Variants in CYP2C8 observed in about 807,000 individuals in gnomAD.
CYP2C8 encodes cytochrome P450 family 2 subfamily C member 8.
Under a neutral mutation model 41.3 loss-of-function variants are expected in CYP2C8, and 51 were observed. That is an observed-to-expected ratio of 1.24 (90% CI 0.99 to 1.56). The LOEUF (loss-of-function observed/expected upper bound fraction) is 1.56, where lower values mean the gene tolerates loss of function less well. Ranked by LOEUF, CYP2C8 falls within the 40% of genes most tolerant of loss-of-function variation. The pLI, the probability that CYP2C8 is intolerant of heterozygous loss-of-function variation, is 0.00. For missense variants in CYP2C8, 651 were observed against 579.9 expected, an observed-to-expected ratio of 1.12 and a Z score of -1.26; for synonymous variants, 218 against 205.8, an observed-to-expected ratio of 1.06 and a Z score of -0.51.
At chr10:95,047,191 C>G (rs1323873000) in intron 5 of CYP2C8, among the ~76,000 whole-genome samples, 1 of 152,172 alleles carries the variant, frequency 6.6e-6, no homozygotes, top group East Asian at 1.9e-4. Flanking sequence ...GCTTGTACAG[C>G]CTGCAGAACC....
intron 7 of CYP2C8, 77 bp from the exon 8 acceptor site, chr10:95,039,115 C>T: frequency 7.5e-7 from 1 of 1,328,840 alleles, no homozygotes; most frequent in Non-Finnish European, 1.1e-6. Context: ...TCACGTAGCG[C>T]CATAACGTTG....
intron 4 of CYP2C8, among the ~76,000 whole-genome samples, chr10:95,061,126 G>A (rs1159400977): frequency 6.6e-6 from 1 of 152,132 alleles, no homozygotes; most frequent in Non-Finnish European, 1.5e-5. Flanking sequence ...TCTCTGCCAG[G>A]CTTTGTTATC....
intron 5 of CYP2C8, among the ~76,000 whole-genome samples, chr10:95,056,395 A>G (rs1255224531): frequency 6.6e-6 from 1 of 152,210 alleles, no homozygotes; most frequent in Non-Finnish European, 1.5e-5. Flanking sequence ...TAACACTCCT[A>G]GGACTATACC....
chr10:95,065,764 T>C (rs1334384913), intron 3 of CYP2C8, among the ~76,000 whole-genome samples: 1 of 152,210 alleles, frequency 6.6e-6, no homozygotes, highest in East Asian at 1.9e-4. Flanking sequence ...TCAAGATAAG[T>C]ATGTTTTAAT....
At chr10:95,045,985 T>G in intron 5 of CYP2C8, 34 bp from the exon 6 acceptor site, 4 of 1,611,218 alleles carry the variant, frequency 2.5e-6, no homozygotes, top group African/African-American at 2.7e-5. Context: ...TCTGACAAAT[T>G]ATGTGCCAGT....
chr10:95,037,432 G>T (rs1005200109), intron 8 of CYP2C8, 123 bp from the exon 9 acceptor site: 3 of 802,704 alleles, frequency 3.7e-6, no homozygotes, highest in Non-Finnish European at 6.2e-6. Context: ...TTGGGTAGAT[G>T]AATGAACATG....
At chr10:95,065,726 G>A (rs1422080562) in intron 3 of CYP2C8, among the ~76,000 whole-genome samples, 1 of 152,046 alleles carries the variant, frequency 6.6e-6, no homozygotes, top group Non-Finnish European at 1.5e-5. Context: ...TACTCTTGTG[G>A]ATTCTGGGAT....
intron 4 of CYP2C8, among the ~76,000 whole-genome samples, chr10:95,063,894 C>A (rs2033496744): frequency 6.6e-6 from 1 of 152,166 alleles, no homozygotes; most frequent in Admixed American, 6.5e-5. Context: ...TGGAGGTCCA[C>A]TCCAGACCCT....
chr10:95,059,886 T>G (rs1204570062), intron 4 of CYP2C8, among the ~76,000 whole-genome samples: 2 of 152,182 alleles, frequency 1.3e-5, no homozygotes, highest in African/African-American at 2.4e-5. Context: ...CCCAGCAACA[T>G]TTGTTGAATA....
chr10:95,043,056 T>A lies in CYP2C8; in HGVS notation c.983A>T (p.Asp328Val), dbSNP rs1321577949. 1 of 1,614,162 alleles carries A rather than the reference T, an allele frequency of 6.2e-7. No homozygotes were observed. The highest frequency in any genetic ancestry group is 1.3e-5 in the African/African-American group (1 of 75,032). ...GCTCCTGTGTCTGCCAATTACATGATCAATCTCTTCCTGGACTTTAGCTGA... is the reference window on the plus strand; with the variant it reads ...GCTCCTGTGTCTGCCAATTACATGAACAATCTCTTCCTGGACTTTAGCTGA... The part of the protein sequence containing the change: ...EVTAKVQEEI[D>V]HVIGRHRSPC... The change falls in exon 7 of 9, where the codon GAT (aspartate) becomes GTT (valine). Residue 328 changes from aspartate to valine, a missense_variant. By Grantham distance (152) the Asp-to-Val change is radical (BLOSUM62 -3). Transcript: ENST00000371270.
chr10:95,063,807 A>G (rs2033494374), intron 4 of CYP2C8, among the ~76,000 whole-genome samples: 3 of 152,138 alleles, frequency 2.0e-5, no homozygotes, highest in African/African-American at 4.8e-5. Flanking sequence ...TGATGTACAG[A>G]TGGGGTTTTG....
intron 5 of CYP2C8, among the ~76,000 whole-genome samples, chr10:95,047,296 AT>A (rs911139943): frequency 6.6e-6 from 1 of 152,106 alleles, no homozygotes; most frequent in Non-Finnish European, 1.5e-5. Context: ...CATTTTTATG[AT>A]TTTTTTATTA....
intron 3 of CYP2C8, among the ~76,000 whole-genome samples, 153 bp from the exon 4 acceptor site, chr10:95,065,113 C>T (rs974288896): frequency 2.6e-5 from 4 of 152,158 alleles, no homozygotes; most frequent in African/African-American, 9.7e-5. Context: ...GAAATAAACA[C>T]ATTACTTTTA....
chr10:95,052,864 C>T (rs1157956935), intron 5 of CYP2C8, among the ~76,000 whole-genome samples: 2 of 152,064 alleles, frequency 1.3e-5, no homozygotes, highest in Non-Finnish European at 2.9e-5. Context: ...AACTAAAAGC[C>T]TTTCCTCTAA....
At chr10:95,042,363 G>C (rs1271649233) in intron 7 of CYP2C8, among the ~76,000 whole-genome samples, 4 of 151,852 alleles carry the variant, frequency 2.6e-5, no homozygotes, top group Non-Finnish European at 4.4e-5. Flanking sequence ...CATCAGAATA[G>C]TATAATTGAA....
Position 95,042,879 on chromosome 10 carries a change from A to C in CYP2C8, c.1149+11T>G. ...AAGTACAGAAATATAGTGTAAGAGA[A>C]ACAAGCTTACCTTGGGGATGAGGTA... On this transcript the variant is annotated intron_variant, in intron 7 of 8. Coordinates refer to ENST00000371270, the MANE Select transcript of CYP2C8 (RefSeq NM_000770.3). 1 of 1,610,994 alleles carries C rather than the reference A, an allele frequency of 6.2e-7. No homozygotes were observed. The highest frequency in any genetic ancestry group is 8.5e-7 in the Non-Finnish European group (1 of 1,177,164).
In CYP2C8 at chr10:95,065,019, AT is replaced by A. The variant is rs1259358433; in HGVS notation, c.482-60del. 5 of 1,315,358 alleles carry A rather than the reference AT, an allele frequency of 3.8e-6. No individual in the cohort carries two copies. In the African/African-American group the frequency reaches 6.2e-5, roughly 16 times the overall value. 81.5% of individuals were successfully genotyped at this position (1,315,358 alleles called of 1,614,324 possible). ...AAAAATAAATATTTAAAAGATTTGC[AT>A]TTGTTAAGACATAAAGGAAATTTAG... On this transcript the variant is annotated intron_variant, in intron 3 of 8. Coordinates refer to ENST00000371270, the MANE Select transcript of CYP2C8 (RefSeq NM_000770.3).
Position 95,067,286 on chromosome 10 carries a change from C to G in CYP2C8, c.403G>C (p.Gly135Arg), listed in dbSNP as rs2033589981. ...RFSLTTLRNFGMGKRSIEDRV... is the reference protein window; with the variant it reads ...RFSLTTLRNFRMGKRSIEDRV... ...TCCTCAATGCTCCTCTTCCCCATCC[C>G]AAAATTCCGCAAGGTTGTGAGGGAG... The change falls in exon 3 of 9, where the codon GGG becomes CGG. Residue 135 changes from glycine to arginine, a missense_variant. Physicochemically the swap from Gly to Arg is moderately radical, Grantham distance 125 (BLOSUM62 -2). Coordinates refer to ENST00000371270, the MANE Select transcript of CYP2C8 (RefSeq NM_000770.3). 6.2e-7 allele frequency: 1 copy of G among 1,614,070 alleles called. No individual in the cohort carries two copies. Among genetic ancestry groups the G allele is most frequent in the African/African-American group, 1.3e-5 (1 of 74,930 alleles).
At position 95,043,016 on chromosome 10, in the gene CYP2C8, ATCCTGCATGCAGGGGC is replaced by A. The variant is rs2033035299; in HGVS notation, c.1007_1022del (p.Ser336IlefsTer11). 1 of 1,614,206 alleles carries A rather than the reference ATCCTGCATGCAGGGGC, an allele frequency of 6.2e-7. No individual in the cohort carries two copies. The highest frequency in any genetic ancestry group is 8.5e-7 in the Non-Finnish European group (1 of 1,180,006). On this transcript the variant is annotated frameshift_variant, in exon 7 of 9. Coordinates refer to ENST00000371270, the MANE Select transcript of CYP2C8 (RefSeq NM_000770.3). LOFTEE classifies it high-confidence loss of function. ...CATCAGTGTAAGGCATGTGGCTCCTATCCTGCATGCAGGGGCTCCTGTGTCTGCCAATTACATGATC... is the reference window on the plus strand; with the variant it reads ...CATCAGTGTAAGGCATGTGGCTCCTATCCTGTGTCTGCCAATTACATGATC...
Sources: gnomAD v4.1 joint callset for allele counts (sites outside exome capture counted in the v4.1 genomes callset) on GRCh38, gnomAD v4.1.1 for gene constraint, MANE v1.5 for transcripts, NCBI Gene and HGNC (gene_info 2026-07-23, HGNC 2026-07-21) for gene names.